The following GAB2 variants were observed in gnomAD, a reference collection of about 807,000 sequenced individuals.
GAB2 encodes GRB2-associated-binding protein 2.
Under a neutral mutation model 65.5 loss-of-function variants are expected in GAB2, and 26 were observed. The observed-to-expected ratio is 0.40, with a 90% CI of 0.29 to 0.55. The LOEUF (loss-of-function observed/expected upper bound fraction) is 0.55. Ranked by LOEUF, GAB2 falls within the 20% of genes least tolerant of loss-of-function variation. The pLI is 0.53. For synonymous variants in GAB2, 321 were observed against 329.6 expected (o/e 0.97, Z 0.28); for missense variants, 884 against 875.8 (o/e 1.01, Z -0.12).
chr11:78,226,695 A>G lies in GAB2; in HGVS notation c.977T>C (p.Ile326Thr), dbSNP rs759220248. 7.4e-6 allele frequency: 12 copies of G among 1,613,724 alleles called. No individual in the cohort carries two copies. The highest frequency in any genetic ancestry group is 9.3e-6 in the Non-Finnish European group (11 of 1,179,862). ...TTTGTCCAGAGTGAATGTCCTAGGG[A>G]TCTGGTAGGCTGAGAGTGGGGTGGC... ...VPATPLSAYQ[I>T]PRTFTLDKNH... The change falls in exon 4 of 10, where the codon ATC (isoleucine) becomes ACC (threonine). Residue 326 changes from isoleucine (I) to threonine (T), a missense_variant. Coordinates refer to ENST00000361507, the MANE Select transcript of GAB2 (RefSeq NM_080491.3).
chr11:78,402,027 G>C (rs768422830), intron 1 of GAB2, among the ~76,000 whole-genome samples: 4 of 152,150 alleles, frequency 2.6e-5, no homozygotes, highest in Non-Finnish European at 5.9e-5. Context: ...CTACAAACAA[G>C]TCTTGAATGG....
chr11:78,238,186 A>C (rs1865032987), intron 3 of GAB2, among the ~76,000 whole-genome samples: 1 of 149,312 alleles, frequency 6.7e-6, no homozygotes, highest in Non-Finnish European at 1.5e-5. Context: ...GCAACTTAAA[A>C]TAAAAGTTGA....
At chr11:78,238,402 C>T (rs1472132328) in intron 3 of GAB2, among the ~76,000 whole-genome samples, 6 of 150,392 alleles carry the variant, frequency 4.0e-5, no homozygotes, top group African/African-American at 1.5e-4. Context: ...AGGCTGAGGG[C>T]AGGAGGATCT....
intron 1 of GAB2, among the ~76,000 whole-genome samples, chr11:78,409,165 T>C (rs1185513455): frequency 6.6e-6 from 1 of 152,176 alleles, no homozygotes; most frequent in Non-Finnish European, 1.5e-5. Context: ...CCTCAGATAC[T>C]TGTATAATAT....
At chr11:78,303,275 A>AT (rs1305628243) in intron 1 of GAB2, among the ~76,000 whole-genome samples, 2 of 152,010 alleles carry the variant, frequency 1.3e-5, no homozygotes, top group African/African-American at 4.8e-5. Flanking sequence ...GGTCAAAAAG[A>AT]TTTTTTGCTT....
chr11:78,356,201 C>T (rs967977592), intron 1 of GAB2, among the ~76,000 whole-genome samples: 3 of 148,666 alleles, frequency 2.0e-5, no homozygotes, highest in African/African-American at 7.5e-5. Flanking sequence ...AAAAAAGACA[C>T]AGTGGTGGAA....
At chr11:78,400,325 G>A (rs1254451843) in intron 1 of GAB2, among the ~76,000 whole-genome samples, 2 of 152,056 alleles carry the variant, frequency 1.3e-5, no homozygotes, top group African/African-American at 2.4e-5. Context: ...TTGCCTTCAC[G>A]CAACTTGGTG....
chr11:78,400,916 A>G (rs1327770013), intron 1 of GAB2, among the ~76,000 whole-genome samples: 1 of 151,204 alleles, frequency 6.6e-6, no homozygotes, highest in African/African-American at 2.4e-5. Context: ...AAAAAAAAAA[A>G]AAAAAAAAAA....
At chr11:78,295,303 A>C (rs1486143749) in intron 1 of GAB2, among the ~76,000 whole-genome samples, 1 of 152,166 alleles carries the variant, frequency 6.6e-6, no homozygotes. Context: ...ATTTAAGGTA[A>C]CTTAGGTCAC....
chr11:78,317,277 C>T (rs993800866), intron 1 of GAB2, among the ~76,000 whole-genome samples: 7 of 152,094 alleles, frequency 4.6e-5, no homozygotes, highest in South Asian at 2.1e-4. Context: ...AAAGTGATTA[C>T]GATGGGCCGG....
At chr11:78,354,793 G>A (rs1348515569) in intron 1 of GAB2, among the ~76,000 whole-genome samples, 1 of 152,190 alleles carries the variant, frequency 6.6e-6, no homozygotes, top group African/African-American at 2.4e-5. Context: ...ACTGAAGTGG[G>A]CTGAAATGGC....
At position 78,226,978 on chromosome 11, in the gene GAB2, G is replaced by T; in HGVS notation, c.694C>A (p.Gln232Lys). ...CCGTTGACACAGTGTCCATTGCCCT[G>T]GGCAAGTTTTTGTACAGCTGTGTCA... ...RSDTAVQKLA[Q>K]GNGHCVNGIS... is the part of the protein sequence containing the mutation. The change falls in exon 4 of 10, where the codon CAG (glutamine) becomes AAG (lysine). Residue 232 changes from glutamine to lysine, a missense_variant. Transcript: ENST00000361507. 1 of 1,613,680 alleles carries T rather than the reference G, an allele frequency of 6.2e-7. No individual in the cohort carries two copies.
At chr11:78,236,599 G>C (rs114016758) in intron 3 of GAB2, among the ~76,000 whole-genome samples, 3,060 of 152,158 alleles carry the variant, frequency 0.02, 114 homozygotes, top group African/African-American at 0.072. Context: ...TTAGCTATAG[G>C]GTTCCTTAGA....
At chr11:78,354,409 A>G (rs552122032) in intron 1 of GAB2, among the ~76,000 whole-genome samples, 1 of 152,232 alleles carries the variant, frequency 6.6e-6, no homozygotes, top group Admixed American at 6.5e-5. Flanking sequence ...GTATCATATC[A>G]TATGTATTGT....
chr11:78,223,532 C>T lies in GAB2; in HGVS notation c.1447G>A (p.Ala483Thr), dbSNP rs1218805537. 3 of 1,613,384 alleles carry T rather than the reference C, an allele frequency of 1.9e-6. No individual in the cohort carries two copies. Among genetic ancestry groups the T allele is most frequent in the East Asian group, 2.2e-5 (1 of 44,838 alleles). The change falls in exon 6 of 10, where the codon GCC becomes ACC. Residue 483 changes from alanine to threonine, a missense_variant. Physicochemically the swap from Ala to Thr is moderately conservative, Grantham distance 58. Coordinates refer to ENST00000361507, the MANE Select transcript of GAB2 (RefSeq NM_080491.3). ...QSVYIPMSPG[A>T]HHFDSLGYPS... ...TAGCCAAGTGAGTCAAAGTGATGGG[C>T]CCCTGGGCTCATTGGGATGTAGACG...
intron 1 of GAB2, among the ~76,000 whole-genome samples, chr11:78,346,498 A>G (rs982955725): frequency 6.6e-6 from 1 of 151,844 alleles, no homozygotes; most frequent in African/African-American, 2.4e-5. Flanking sequence ...AGCTATGTAA[A>G]TACTGGAGCT....
intron 1 of GAB2, among the ~76,000 whole-genome samples, chr11:78,389,126 T>TG (rs1856802812): frequency 6.6e-6 from 1 of 152,224 alleles, no homozygotes; most frequent in Non-Finnish European, 1.5e-5. Context: ...GAGGTATTCA[T>TG]GCTCCTAGTT....
intron 2 of GAB2, among the ~76,000 whole-genome samples, chr11:78,265,309 C>A (rs957945035): frequency 6.6e-6 from 1 of 151,638 alleles, no homozygotes; most frequent in African/African-American, 2.4e-5. Flanking sequence ...AGTCAGGAAA[C>A]TTCGATTTTA....
At chr11:78,358,429 G>T (rs992679256) in intron 1 of GAB2, among the ~76,000 whole-genome samples, 1 of 120,654 alleles carries the variant, frequency 8.3e-6, no homozygotes, top group Non-Finnish European at 1.6e-5. Flanking sequence ...ATGTACCCTA[G>T]AACTTAAAAT....
Sources: allele counts gnomAD v4.1 joint callset (sites outside exome capture counted in the v4.1 genomes callset), GRCh38; gene constraint gnomAD v4.1.1; transcripts MANE v1.5; gene names NCBI Gene and HGNC (gene_info 2026-07-23, HGNC 2026-07-21).